PLXNA4: variants seen among roughly 807,000 people sequenced by gnomAD.
PLXNA4 encodes plexin-A4.
A neutral mutation model predicts 191.8 loss-of-function variants in PLXNA4; 44 were observed. The observed-to-expected ratio is 0.23, with a 90% CI of 0.18 to 0.29. The LOEUF (loss-of-function observed/expected upper bound fraction) is 0.29. Among genes scored for constraint, PLXNA4 ranks in the 10% least tolerant of loss-of-function variants. The pLI is 1.00. For missense variants in PLXNA4, 1,800 were observed against 2,488.8 expected (o/e 0.72, Z 5.89); for synonymous variants, 1,082 against 1,009.5 (o/e 1.07, Z -1.36).
chr7:132,397,247 A>G (rs756380901), intron 3 of PLXNA4, among the ~76,000 whole-genome samples: 15 of 152,218 alleles, frequency 9.9e-5, no homozygotes, highest in Admixed American at 2.0e-4. Context: ...TTCTGATGCA[A>G]TTCTGGATTG....
chr7:132,358,755 G>A (rs1803812022), intron 3 of PLXNA4, among the ~76,000 whole-genome samples: 1 of 152,192 alleles, frequency 6.6e-6, no homozygotes, highest in Non-Finnish European at 1.5e-5. Flanking sequence ...GTTCTGTGAA[G>A]AAAAGATGAA....
intron 10 of PLXNA4, among the ~76,000 whole-genome samples, chr7:132,209,901 C>A (rs1194371293): frequency 6.6e-6 from 1 of 152,212 alleles, no homozygotes; most frequent in African/African-American, 2.4e-5. Context: ...AGTCACTTAC[C>A]TTCTGGCACA....
At chr7:132,349,019 C>CA (rs1255937532) in intron 3 of PLXNA4, among the ~76,000 whole-genome samples, 1 of 152,140 alleles carries the variant, frequency 6.6e-6, no homozygotes, top group Non-Finnish European at 1.5e-5. Flanking sequence ...GCCTCCCCAC[C>CA]ATGTGTACTT....
intron 31 of PLXNA4, 139 bp downstream of exon 31, chr7:132,132,910 G>A: frequency 7.9e-7 from 1 of 1,264,812 alleles, no homozygotes; most frequent in Non-Finnish European, 1.1e-6. Context: ...TTGGATCACA[G>A]CCCCAGGTCC....
intron 3 of PLXNA4, among the ~76,000 whole-genome samples, chr7:132,461,117 G>T (rs1389450464): frequency 6.6e-6 from 1 of 152,278 alleles, no homozygotes; most frequent in South Asian, 2.1e-4. Context: ...AAAAGCAGGG[G>T]TCAGCAAACT....
At chr7:132,456,984 C>A (rs950534676) in intron 3 of PLXNA4, among the ~76,000 whole-genome samples, 19 of 152,178 alleles carry the variant, frequency 1.2e-4, no homozygotes, top group Admixed American at 1.1e-3. Context: ...ACCCTGTCTC[C>A]CATGTCACAC....
intron 14 of PLXNA4, among the ~76,000 whole-genome samples, chr7:132,188,271 T>C (rs999123633): frequency 6.6e-6 from 1 of 152,174 alleles, no homozygotes; most frequent in Non-Finnish European, 1.5e-5. Flanking sequence ...GGAGTCCAGG[T>C]TGGGGGCAGG....
In PLXNA4 at chr7:132,140,679, C is replaced by T; in HGVS notation, c.5358G>A (p.Glu1786=). The change falls in exon 30 of 32, where the codon GAG becomes GAA. Residue 1786 remains glutamate (E), a synonymous_variant. Coordinates refer to ENST00000321063, the MANE Select transcript of PLXNA4 (RefSeq NM_020911.2). ...AGGGCGAGTCCTTGCCCAGCCGGTG[C>T]TCTGACGTGGAGCAAGAGTCCATGA... The part of the protein sequence containing the change: ...QTFMDSCSTS[E]HRLGKDSPSN... 4 of 1,614,146 alleles carry T rather than the reference C, an allele frequency of 2.5e-6. No individual in the cohort carries two copies. The highest frequency in any genetic ancestry group is 2.2e-5 in the South Asian group (2 of 91,058).
intron 3 of PLXNA4, among the ~76,000 whole-genome samples, chr7:132,486,604 G>A (rs1315313653): frequency 2.0e-5 from 3 of 152,318 alleles, no homozygotes; most frequent in South Asian, 4.1e-4. Flanking sequence ...CGGGAGGACC[G>A]AAGGCTCATT....
intron 3 of PLXNA4, among the ~76,000 whole-genome samples, chr7:132,410,471 C>G (rs963906147): frequency 5.9e-5 from 9 of 152,224 alleles, no homozygotes; most frequent in African/African-American, 2.2e-4. Flanking sequence ...CTTCCCCCCT[C>G]CACAGGGATA....
chr7:132,536,915 C>T (rs1799862539), intron 1 of PLXNA4, among the ~76,000 whole-genome samples: 2 of 152,146 alleles, frequency 1.3e-5, no homozygotes, highest in South Asian at 2.1e-4. Flanking sequence ...CTGCTGAGTC[C>T]CCACTCTGTG....
In PLXNA4 at chr7:132,198,467, G is replaced by T; in HGVS notation, c.2738+18C>A. 1 of 1,612,018 alleles carries T rather than the reference G, an allele frequency of 6.2e-7. No individual in the cohort carries two copies. Among genetic ancestry groups the T allele is most frequent in the South Asian group, 1.1e-5 (1 of 90,766 alleles). On this transcript the variant is annotated intron_variant, in intron 13 of 31. Coordinates refer to ENST00000321063, the MANE Select transcript of PLXNA4 (RefSeq NM_020911.2). ...TTCCCTCCCCTGTTCCTCCTGTGTT[G>T]CATGCAGCTTCACTTACTGTTCTGC...
intron 3 of PLXNA4, among the ~76,000 whole-genome samples, chr7:132,424,216 AG>A (rs1219856974): frequency 5.9e-5 from 9 of 152,284 alleles, no homozygotes; most frequent in Non-Finnish European, 1.3e-4. Context: ...TTGGAAACGC[AG>A]GGGTTGTGGA....
chr7:132,537,672 A>C (rs1295514934), intron 1 of PLXNA4, among the ~76,000 whole-genome samples: 1 of 152,176 alleles, frequency 6.6e-6, no homozygotes, highest in Admixed American at 6.5e-5. Context: ...TGCTGCATGG[A>C]AGTGGGAGTG....
rs573446051 is a variant in PLXNA4, at chr7:132,289,477, G to T, written c.1503+8614C>A. Among the ~76,000 whole-genome samples, 5 of 152,280 alleles carry T rather than the reference G, an allele frequency of 3.3e-5. No individual in the cohort carries two copies. In the South Asian group the frequency reaches 1.0e-3, roughly 32 times the overall value. On this transcript the variant is annotated intron_variant, in intron 4 of 31. Transcript: ENST00000321063. ...TTGTATTCCCAATGCCTTGACTGGT[G>T]CTTGGCACATAGTAGGAGGGAGCTT... is the stretch of plus-strand genomic sequence containing the variant.
Position 132,594,911 on chromosome 7 carries a change from G to GTAGA in PLXNA4, c.-87+51013_-87+51016dup, listed in dbSNP as rs71178042. 4.6e-3 allele frequency among the ~76,000 whole-genome samples: 636 copies of GTAGA among 137,800 alleles called. 3 individuals are homozygous for GTAGA. The highest frequency in any genetic ancestry group is 7.4e-3 in the African/African-American group (266 of 35,986). 90.4% of individuals were successfully genotyped at this position (137,800 alleles called of 152,430 possible). The stretch of plus-strand genomic sequence containing the variant: ...TTTCCATTCAGACATAGATAGATAG[G>GTAGA]TAGATAGATAGATAGATAGATAGAT... On this transcript the variant is annotated intron_variant, in intron 2 of 4. Transcript: ENST00000378539.
At chr7:132,368,158 C>T (rs1274553408) in intron 3 of PLXNA4, among the ~76,000 whole-genome samples, 1 of 152,044 alleles carries the variant, frequency 6.6e-6, no homozygotes, top group East Asian at 1.9e-4. Context: ...GGGCCAATGT[C>T]AATGCTGGGC....
At chr7:132,533,361 C>G (rs530418266) in intron 1 of PLXNA4, among the ~76,000 whole-genome samples, 1 of 152,070 alleles carries the variant, frequency 6.6e-6, no homozygotes, top group Admixed American at 6.5e-5. Context: ...AACATAAACT[C>G]AGGAACTGGA....
intron 2 of PLXNA4, among the ~76,000 whole-genome samples, chr7:132,490,798 C>A (rs1797765951): frequency 6.6e-6 from 1 of 152,166 alleles, no homozygotes. Context: ...CTGTGAGATA[C>A]TGACCCTGAC....
Sources: allele counts gnomAD v4.1 joint callset (sites outside exome capture counted in the v4.1 genomes callset), GRCh38; gene constraint gnomAD v4.1.1; transcripts MANE v1.5; gene names NCBI Gene and HGNC (gene_info 2026-07-23, HGNC 2026-07-21).